The following PHF20 variants were observed in gnomAD, a reference collection of about 807,000 sequenced individuals.
PHF20 encodes the protein glioma-expressed antigen 2.
A neutral mutation model predicts 113.5 loss-of-function variants in PHF20; 23 were observed. That is an observed-to-expected ratio of 0.20 (90% confidence interval 0.15 to 0.29). The LOEUF (loss-of-function observed/expected upper bound fraction) is 0.29, where lower values mean the gene tolerates loss of function less well. Among genes scored for constraint, PHF20 ranks in the 10% least tolerant of loss-of-function variants. The pLI is 1.00. For missense variants in PHF20, 943 were observed against 1,219.6 expected, an observed-to-expected ratio of 0.77 and a Z score of 3.38; for synonymous variants, 434 against 457.3, an observed-to-expected ratio of 0.95 and a Z score of 0.65.
intron 1 of PHF20, among the ~76,000 whole-genome samples, chr20:35,779,117 C>T (rs1367809922): frequency 1.3e-5 from 2 of 151,644 alleles, no homozygotes; most frequent in African/African-American, 4.8e-5. Context: ...CTCACTGCAA[C>T]CTCTGCCTCC....
intron 1 of PHF20, among the ~76,000 whole-genome samples, chr20:35,788,825 T>G (rs1369325192): frequency 6.6e-6 from 1 of 152,314 alleles, no homozygotes; most frequent in Non-Finnish European, 1.5e-5. Flanking sequence ...TCCACCCACC[T>G]TGGCCTCCCA....
chr20:35,836,570 C>T (rs1355172017), intron 2 of PHF20, among the ~76,000 whole-genome samples: 3 of 152,186 alleles, frequency 2.0e-5, no homozygotes, highest in East Asian at 1.9e-4. Context: ...ATTTGCCGGG[C>T]GCAGTGGCTC....
intron 17 of PHF20, among the ~76,000 whole-genome samples, chr20:35,947,086 G>T (rs1440343540): frequency 6.6e-6 from 1 of 152,214 alleles, no homozygotes; most frequent in Non-Finnish European, 1.5e-5. Flanking sequence ...GGTAACAGTA[G>T]CCTCTGGCAA....
rs1415885056 is a variant in PHF20 at position 35,811,864 on chromosome 20, G to A, written c.83+10259G>A. 2.6e-5 allele frequency among the ~76,000 whole-genome samples: 4 copies of A among 151,788 alleles called. No individual in the cohort carries two copies. In the East Asian group the frequency reaches 7.8e-4, roughly 29 times the overall value. ...CTGCTCACTGCAAGCTCTGCCTCCC[G>A]GGTTCCCACCATTCTCCTGCCTCAG... On this transcript the variant is annotated intron_variant, in intron 2 of 17. Coordinates refer to ENST00000374012, the MANE Select transcript of PHF20 (RefSeq NM_016436.5).
chr20:35,881,205 G>A (rs200364198), intron 9 of PHF20, among the ~76,000 whole-genome samples: 2 of 151,286 alleles, frequency 1.3e-5, no homozygotes, highest in South Asian at 2.1e-4. Flanking sequence ...TTACAGGCAC[G>A]TGCTACCATG....
In PHF20 at chr20:35,948,309, C is replaced by CA. The variant is rs939058824; in HGVS notation, c.*683dup. ...CCTATGGAAGAACTAGAATCTCACT[C>CA]ACAGTAATAAGAATCTAGGAGGAAT... On this transcript the variant is annotated 3_prime_UTR_variant, in exon 18 of 18. Transcript: ENST00000374012. 1 of 152,626 alleles carries CA rather than the reference C, an allele frequency of 6.6e-6. No homozygotes were observed. Among genetic ancestry groups the CA allele is most frequent in the Non-Finnish European group, 1.5e-5 (1 of 68,044 alleles). 9.5% of individuals were successfully genotyped at this position (152,626 alleles called of 1,614,324 possible). A position where few individuals can be genotyped will look rare whatever the true frequency, so the allele number is the denominator to read the frequency against.
chr20:35,827,285 G>A (rs775554203), intron 2 of PHF20, among the ~76,000 whole-genome samples: 10 of 152,144 alleles, frequency 6.6e-5, no homozygotes, highest in Admixed American at 2.0e-4. Context: ...GATTCTTGAA[G>A]TAAAATGAGT....
chr20:35,792,663 A>G (rs1210531623), intron 1 of PHF20, among the ~76,000 whole-genome samples: 1 of 151,996 alleles, frequency 6.6e-6, no homozygotes, highest in East Asian at 1.9e-4. Flanking sequence ...TCACTTCCCT[A>G]CGACTAAAGA....
chr20:35,848,530 C>T (rs1376975889), intron 4 of PHF20, among the ~76,000 whole-genome samples: 2 of 151,972 alleles, frequency 1.3e-5, no homozygotes, highest in East Asian at 1.9e-4. Context: ...GGATTATAAG[C>T]GTGAGCCACC....
intron 2 of PHF20, among the ~76,000 whole-genome samples, chr20:35,809,770 A>G (rs2041945693): frequency 6.6e-6 from 1 of 151,658 alleles, no homozygotes; most frequent in South Asian, 2.1e-4. Context: ...AGTCCCAGCT[A>G]CTTGGGAGGC....
At chr20:35,887,840 G>A (rs978747175) in intron 9 of PHF20, 13 of 151,038 alleles carry the variant, frequency 8.6e-5, no homozygotes, top group African/African-American at 3.2e-4. Context: ...AGAAGTTACA[G>A]GTTCTGCCCA....
intron 10 of PHF20, among the ~76,000 whole-genome samples, 172 bp downstream of exon 10, chr20:35,899,820 A>G (rs926153092): frequency 1.3e-5 from 2 of 152,152 alleles, no homozygotes; most frequent in African/African-American, 4.8e-5. Flanking sequence ...TGGCCTTCCT[A>G]CAGGAAGCAG....
intron 2 of PHF20, among the ~76,000 whole-genome samples, chr20:35,814,886 A>T (rs6060615): frequency 0.041 from 5,985 of 146,124 alleles, 317 homozygotes; most frequent in African/African-American, 0.12. Flanking sequence ...AAAAAAAAAA[A>T]AAAATAAAAT....
intron 1 of PHF20, among the ~76,000 whole-genome samples, chr20:35,791,537 G>GTGTGTATATA (rs372219422): frequency 7.9e-6 from 1 of 127,232 alleles, no homozygotes; most frequent in African/African-American, 3.0e-5. Context: ...TTAGAATAGT[G>GTGTGTATATA]TATATATATA....
At chr20:35,883,359 G>A (rs560811977) in intron 9 of PHF20, among the ~76,000 whole-genome samples, 1 of 152,280 alleles carries the variant, frequency 6.6e-6, no homozygotes, top group East Asian at 1.9e-4. Context: ...CAGACAAAGA[G>A]CCTAATATTT....
At chr20:35,835,148 G>T (rs1398545139) in intron 2 of PHF20, among the ~76,000 whole-genome samples, 1 of 152,144 alleles carries the variant, frequency 6.6e-6, no homozygotes, top group South Asian at 2.1e-4. Flanking sequence ...GGTGGCGGGC[G>T]CCTGTAGTCC....
chr20:35,826,369 A>T (rs2042261898), intron 2 of PHF20, among the ~76,000 whole-genome samples: 1 of 152,158 alleles, frequency 6.6e-6, no homozygotes, highest in Non-Finnish European at 1.5e-5. Flanking sequence ...AGTGAGACCC[A>T]TCAGCATGTT....
chr20:35,912,596 CT>C (rs1190528596), intron 10 of PHF20, among the ~76,000 whole-genome samples: 1 of 152,134 alleles, frequency 6.6e-6, no homozygotes, highest in African/African-American at 2.4e-5. Flanking sequence ...CTTTGGGAAG[CT>C]GAGGCGGCTG....
At chr20:35,786,668 C>T (rs916169984) in intron 1 of PHF20, among the ~76,000 whole-genome samples, 2 of 152,164 alleles carry the variant, frequency 1.3e-5, no homozygotes, top group Admixed American at 6.6e-5. Flanking sequence ...AGCCACTGCA[C>T]TCTAGCTTGG....
Sources: gnomAD v4.1 joint callset for allele counts (sites outside exome capture counted in the v4.1 genomes callset) on GRCh38, gnomAD v4.1.1 for gene constraint, MANE v1.5 for transcripts, NCBI Gene and HGNC (gene_info 2026-07-23, HGNC 2026-07-21) for gene names.